The following ST3GAL3 variants were observed in gnomAD, a reference collection of about 807,000 sequenced individuals.
ST3GAL3 encodes CMP-N-acetylneuraminate-beta-1,4-galactoside alpha-2,3-sialyltransferase.
In ST3GAL3, 21 loss-of-function variants were observed where a neutral mutation model predicts 50.1. That is an observed-to-expected ratio of 0.42 (90% CI 0.30 to 0.60). The LOEUF (loss-of-function observed/expected upper bound fraction) is 0.60, where lower values mean the gene tolerates loss of function less well. ST3GAL3 is among the 20% of genes least tolerant of loss of function. The pLI is 0.19. For missense variants in ST3GAL3, 353 were observed against 489.4 expected (o/e 0.72, Z 2.63); for synonymous variants, 183 against 190.0 (o/e 0.96, Z 0.30).
intron 1 of ST3GAL3, among the ~76,000 whole-genome samples, chr1:43,713,638 C>T (rs1467912338): frequency 6.6e-6 from 1 of 151,038 alleles, no homozygotes; most frequent in Admixed American, 6.6e-5. Flanking sequence ...TCAGGTGGTC[C>T]TCCCACCTCA....
chr1:43,917,484 T>TATATTATATA (rs1233394177), intron 9 of ST3GAL3, among the ~76,000 whole-genome samples: 3 of 72,320 alleles, frequency 4.1e-5, no homozygotes, highest in Non-Finnish European at 7.6e-5. Flanking sequence ...ATATATATAA[T>TATATTATATA]ATATAATATA....
rs192651969 is a variant in ST3GAL3 at position 43,815,221 on chromosome 1, G to A, written c.209+288G>A. Among the ~76,000 whole-genome samples, 25 of 152,314 alleles carry A rather than the reference G, an allele frequency of 1.6e-4. No homozygotes were observed. In the East Asian group the frequency reaches 3.9e-3, roughly 23 times the overall value. Reference sequence around the variant, plus strand: ...GAAGGACTAGGAGTCTCCTGGAAAGGCTTCTCCTGCAGGGTAGAGGACAGT... The same window carrying A: ...GAAGGACTAGGAGTCTCCTGGAAAGACTTCTCCTGCAGGGTAGAGGACAGT... On this transcript the variant is annotated intron_variant, in intron 4 of 11. Transcript: ENST00000347631.
chr1:43,745,066 G>A (rs760282329), intron 2 of ST3GAL3, among the ~76,000 whole-genome samples: 8 of 152,124 alleles, frequency 5.3e-5, no homozygotes. Flanking sequence ...TGGGAGGGCT[G>A]ACTTAAGGTC....
intron 5 of ST3GAL3, among the ~76,000 whole-genome samples, chr1:43,869,844 C>T (rs748893024): frequency 8.5e-5 from 13 of 152,170 alleles, no homozygotes; most frequent in East Asian, 1.9e-4. Flanking sequence ...ATAAAAACAG[C>T]GACTGAGATA....
intron 5 of ST3GAL3, among the ~76,000 whole-genome samples, chr1:43,852,891 C>A (rs1378292740): frequency 2.6e-5 from 4 of 152,128 alleles, no homozygotes; most frequent in African/African-American, 9.7e-5. Context: ...TAATGTTAGA[C>A]ACTTAATTAA....
intron 1 of ST3GAL3, among the ~76,000 whole-genome samples, chr1:43,731,098 C>G (rs1675550584): frequency 6.6e-6 from 1 of 151,696 alleles, no homozygotes; most frequent in Admixed American, 6.6e-5. Context: ...AGTGGTGCAA[C>G]CTTGGCTTAC....
intron 1 of ST3GAL3, among the ~76,000 whole-genome samples, chr1:43,708,613 A>C (rs1159357998): frequency 6.6e-6 from 1 of 152,230 alleles, no homozygotes; most frequent in Non-Finnish European, 1.5e-5. Flanking sequence ...AAGTCAACAG[A>C]GGATTAAAAG....
intron 4 of ST3GAL3, among the ~76,000 whole-genome samples, chr1:43,835,444 G>A (rs921309545): frequency 6.6e-6 from 1 of 152,098 alleles, no homozygotes; most frequent in Non-Finnish European, 1.5e-5. Flanking sequence ...AGAGTTGTAC[G>A]TTTTAGGAGT....
intron 2 of ST3GAL3, among the ~76,000 whole-genome samples, chr1:43,771,312 G>A (rs191858265): frequency 3.3e-5 from 5 of 151,750 alleles, no homozygotes; most frequent in Non-Finnish European, 5.9e-5. Context: ...CTATAAAAGT[G>A]ATTCTTGGAA....
At chr1:43,857,497 TTCCCTCTTC>T (rs2068660466) in intron 5 of ST3GAL3, among the ~76,000 whole-genome samples, 1 of 146,604 alleles carries the variant, frequency 6.8e-6, no homozygotes, top group Non-Finnish European at 1.5e-5. Flanking sequence ...CCTTCCTTCC[TTCCCTCTTC>T]CTTCCTTCCT....
At chr1:43,880,097 C>T (rs1005879654) in intron 5 of ST3GAL3, among the ~76,000 whole-genome samples, 22 of 152,248 alleles carry the variant, frequency 1.4e-4, no homozygotes, top group African/African-American at 5.3e-4. Context: ...GGCTGTCACC[C>T]CAAGCTGCTC....
intron 2 of ST3GAL3, among the ~76,000 whole-genome samples, chr1:43,790,720 C>T (rs1041505634): frequency 6.6e-6 from 1 of 151,380 alleles, no homozygotes; most frequent in Non-Finnish European, 1.5e-5. Context: ...CAACCTCCGC[C>T]TCCCAGGTTC....
At chr1:43,743,422 G>A in intron 2 of ST3GAL3, 1 of 317,668 alleles carries the variant, frequency 3.1e-6, no homozygotes, top group South Asian at 2.8e-5. Flanking sequence ...GATATCTCTG[G>A]TGTTCCCTGT....
At chr1:43,829,997 T>TTG (rs2063321972) in intron 4 of ST3GAL3, among the ~76,000 whole-genome samples, 3 of 57,978 alleles carry the variant, frequency 5.2e-5, no homozygotes, top group Non-Finnish European at 5.6e-5. Context: ...AAAAATTCCT[T>TTG]TTTTTTTTTT....
intron 5 of ST3GAL3, among the ~76,000 whole-genome samples, chr1:43,874,084 G>GT (rs563844642): frequency 2.0e-5 from 3 of 151,978 alleles, no homozygotes; most frequent in Non-Finnish European, 2.9e-5. Context: ...TACAAAAGGA[G>GT]TAATTAACTG....
chr1:43,921,328 A>G, intron 11 of ST3GAL3: 3 of 482,426 alleles, frequency 6.2e-6, no homozygotes, highest in Non-Finnish European at 1.1e-5. Context: ...CCTTCCCCAC[A>G]GCCAAGCACT....
At chr1:43,918,580 A>C (rs1023663965) in intron 9 of ST3GAL3, among the ~76,000 whole-genome samples, 1 of 152,050 alleles carries the variant, frequency 6.6e-6, no homozygotes, top group Non-Finnish European at 1.5e-5. Flanking sequence ...TGTTTCACTG[A>C]TCTTGGTTTT....
intron 2 of ST3GAL3, among the ~76,000 whole-genome samples, chr1:43,770,918 C>T (rs778175121): frequency 2.6e-5 from 4 of 152,238 alleles, no homozygotes; most frequent in East Asian, 1.9e-4. Context: ...TAATCCAGAA[C>T]GTCCTCTCAT....
rs75307710 is a variant in ST3GAL3 at position 43,785,870 on chromosome 1, G to T, written c.119-6232G>T. Among the ~76,000 whole-genome samples the T allele has an allele frequency of 3.2e-3, 483 of 152,170 alleles. 10 individuals carry two copies. In the East Asian group the frequency reaches 0.059, roughly 18 times the overall value. On this transcript the variant is annotated intron_variant, in intron 2 of 11. Coordinates refer to ENST00000347631, the MANE Select transcript of ST3GAL3 (RefSeq NM_006279.5). ...TTGTCAGTGGCCAGAGGGGAGGAAG[G>T]GTCATGTGGTTAGGATGCAGCCTAC...
Sources: allele counts gnomAD v4.1 joint callset (sites outside exome capture counted in the v4.1 genomes callset), GRCh38; gene constraint gnomAD v4.1.1; transcripts MANE v1.5; gene names NCBI Gene and HGNC (gene_info 2026-07-23, HGNC 2026-07-21).